GRAMD1C: variants seen among roughly 807,000 people sequenced by gnomAD.
GRAMD1C encodes the protein GRAM domain containing 1C.
GRAMD1C carries 89 observed loss-of-function variants against 97.8 expected under a neutral mutation model. The ratio of observed to expected loss-of-function variants is 0.91; its 90% CI spans 0.77 to 1.09. The LOEUF (loss-of-function observed/expected upper bound fraction) is 1.09, where lower values mean the gene tolerates loss of function less well. Among genes scored for constraint, GRAMD1C ranks in the 50% least tolerant of loss-of-function variants. The pLI is 0.00. For synonymous variants in GRAMD1C, 256 were observed against 267.0 expected, an observed-to-expected ratio of 0.96 and a Z score of 0.40; for missense variants, 740 against 766.4, an observed-to-expected ratio of 0.97 and a Z score of 0.41.
intron 6 of GRAMD1C, chr3:113,897,576 AG>A: frequency 1.0e-6 from 1 of 980,966 alleles, no homozygotes; most frequent in Non-Finnish European, 1.2e-6. Flanking sequence ...AAACTACATT[AG>A]AAAAGCTTCT....
At chr3:113,862,478 T>C (rs1009622819) in intron 2 of GRAMD1C, among the ~76,000 whole-genome samples, 1 of 152,236 alleles carries the variant, frequency 6.6e-6, no homozygotes, top group Non-Finnish European at 1.5e-5. Context: ...TTTAAGGTTA[T>C]CTCTCTTGTT....
chr3:113,917,763 G>A (rs912682500), intron 10 of GRAMD1C, among the ~76,000 whole-genome samples: 2 of 150,818 alleles, frequency 1.3e-5, no homozygotes, highest in African/African-American at 4.9e-5. Flanking sequence ...TGCAATCTCG[G>A]CTCACTGCAA....
chr3:113,831,233 G>A (rs2566985), intron 1 of GRAMD1C, among the ~76,000 whole-genome samples: 148,615 of 152,352 alleles, frequency 0.98, 72,611 homozygotes, highest in East Asian at 1. Flanking sequence ...AGACAAAATC[G>A]CACATTGTAT....
Position 113,936,375 on chromosome 3 carries a change from A to G in GRAMD1C, c.1566A>G (p.Thr522=). The G allele has an allele frequency of 6.2e-7, 1 of 1,613,542 alleles. No individual in the cohort carries two copies. Among genetic ancestry groups the G allele is most frequent in the Non-Finnish European group, 8.5e-7 (1 of 1,179,476 alleles). ...GAACCTTCAACCGAACAGCAGAAAC[A>G]GTTCCTAAACTTTCCTCTCAGCATT... ...RRRTFNRTAE[T]VPKLSSQHSS... The change falls in exon 14 of 18, where the codon ACA becomes ACG. Residue 522 remains threonine (T), a synonymous_variant. Coordinates refer to ENST00000358160, the MANE Select transcript of GRAMD1C (RefSeq NM_017577.5).
At chr3:113,847,241 T>G (rs72952679) in intron 2 of GRAMD1C, among the ~76,000 whole-genome samples, 4,361 of 152,336 alleles carry the variant, frequency 0.029, 230 homozygotes, top group African/African-American at 0.1. Context: ...CTTATTCTCT[T>G]TCATCATTCA....
At chr3:113,859,120 A>G (rs1040919210) in intron 2 of GRAMD1C, among the ~76,000 whole-genome samples, 1 of 151,530 alleles carries the variant, frequency 6.6e-6, no homozygotes, top group Admixed American at 6.6e-5. Flanking sequence ...TTTTGGGTTT[A>G]TTTTATATTT....
At chr3:113,869,943 T>C (rs1934730253) in intron 3 of GRAMD1C, among the ~76,000 whole-genome samples, 1 of 152,098 alleles carries the variant, frequency 6.6e-6, no homozygotes, top group Non-Finnish European at 1.5e-5. Context: ...AATGCTGTCA[T>C]TTGCAACAGT....
upstream of GRAMD1C, among the ~76,000 whole-genome samples, chr3:113,835,908 C>A (rs76078350): frequency 6.6e-6 from 1 of 152,106 alleles, no homozygotes; most frequent in Non-Finnish European, 1.5e-5. Flanking sequence ...AGGATGGAAA[C>A]CTGTCTTTTA....
chr3:113,870,536 G>T (rs762008741), intron 3 of GRAMD1C, among the ~76,000 whole-genome samples: 13 of 152,152 alleles, frequency 8.5e-5, no homozygotes, highest in Non-Finnish European at 1.5e-4. Context: ...GGAGACTATA[G>T]TTAACAGTAA....
intron 10 of GRAMD1C, among the ~76,000 whole-genome samples, chr3:113,925,908 TATAGAGTTTCTGCTGTTAGCCTG>T (rs1937216562): frequency 6.6e-6 from 1 of 152,180 alleles, no homozygotes. Flanking sequence ...AGCCCTCAAA[TATAGAGTTTCTGCTGTTAGCCTG>T]ATAGGATTCC....
chr3:113,880,954 G>C (rs1935234710), intron 5 of GRAMD1C, among the ~76,000 whole-genome samples: 1 of 151,952 alleles, frequency 6.6e-6, no homozygotes, highest in Non-Finnish European at 1.5e-5. Flanking sequence ...CATCATCATG[G>C]TAAAAAATTC....
At chr3:113,872,590 TC>T (rs1474779570) in intron 3 of GRAMD1C, among the ~76,000 whole-genome samples, 2 of 151,090 alleles carry the variant, frequency 1.3e-5, no homozygotes, top group African/African-American at 4.9e-5. Context: ...AGATGAGGTT[TC>T]TCCATGTTGG....
chr3:113,933,594 C>T lies in GRAMD1C; in HGVS notation c.1293C>T (p.Tyr431=). 1 of 1,604,626 alleles carries T rather than the reference C, an allele frequency of 6.2e-7. No individual in the cohort carries two copies. The highest frequency in any genetic ancestry group is 8.5e-7 in the Non-Finnish European group (1 of 1,171,366). The change falls in exon 12 of 18, where the codon TAC becomes TAT. Residue 431 remains tyrosine, a synonymous_variant. Coordinates refer to ENST00000358160, the MANE Select transcript of GRAMD1C (RefSeq NM_017577.5). ...VLTHDVPYHD[Y]FYTVNRYCII... Reference sequence around the variant, plus strand: ...CACATGATGTCCCCTACCATGATTACTTCTATACCGTGAACAGATACTGTA... The same window carrying T: ...CACATGATGTCCCCTACCATGATTATTTCTATACCGTGAACAGATACTGTA...
chr3:113,881,584 G>A (rs373159369), intron 5 of GRAMD1C, among the ~76,000 whole-genome samples: 1 of 152,204 alleles, frequency 6.6e-6, no homozygotes, highest in Non-Finnish European at 1.5e-5. Context: ...GTGGTTGTGC[G>A]TGAGAGTGGA....
chr3:113,841,988 A>T (rs1444146274), intron 1 of GRAMD1C, among the ~76,000 whole-genome samples: 2 of 152,216 alleles, frequency 1.3e-5, no homozygotes, highest in Non-Finnish European at 2.9e-5. Context: ...GTGAGCCAAC[A>T]TACCCAGCCT....
intron 14 of GRAMD1C, among the ~76,000 whole-genome samples, chr3:113,937,866 A>G (rs908360099): frequency 2.0e-5 from 3 of 152,104 alleles, no homozygotes; most frequent in African/African-American, 7.2e-5. Flanking sequence ...TTAGCTGGGC[A>G]TGGTGGCGCA....
At chr3:113,852,532 T>C (rs1049621982) in intron 2 of GRAMD1C, among the ~76,000 whole-genome samples, 12 of 152,084 alleles carry the variant, frequency 7.9e-5, no homozygotes, top group African/African-American at 2.7e-4. Context: ...TACCTAGCAA[T>C]GCTGGATGAA....
chr3:113,876,058 A>ATTTTCTGGTT, intron 4 of GRAMD1C, 107 bp from the exon 5 acceptor site: 1 of 632,314 alleles, frequency 1.6e-6, no homozygotes. Context: ...CCTGAAGAAT[A>ATTTTCTGGTT]TTCAACTGTG....
intron 6 of GRAMD1C, among the ~76,000 whole-genome samples, chr3:113,896,438 A>G (rs1367789586): frequency 5.3e-5 from 8 of 152,076 alleles, no homozygotes; most frequent in Admixed American, 4.6e-4. Context: ...TTCCCTCTGA[A>G]GCCTACTAAA....
Sources: gnomAD v4.1 joint callset for allele counts (sites outside exome capture counted in the v4.1 genomes callset) on GRCh38, gnomAD v4.1.1 for gene constraint, MANE v1.5 for transcripts, NCBI Gene and HGNC (gene_info 2026-07-23, HGNC 2026-07-21) for gene names.